SLIT2: variants seen among roughly 807,000 people sequenced by gnomAD.
SLIT2 encodes the protein slit homolog 2 protein.
SLIT2 carries 41 observed loss-of-function variants against 185.7 expected under a neutral mutation model. The observed-to-expected ratio is 0.22, with a 90% CI of 0.17 to 0.29. The LOEUF (loss-of-function observed/expected upper bound fraction) is 0.29, where lower values mean the gene tolerates loss of function less well. Ranked by LOEUF, SLIT2 falls within the 10% of genes least tolerant of loss-of-function variation. The pLI, the probability that SLIT2 is intolerant of heterozygous loss-of-function variation, is 1.00. For missense variants in SLIT2, 1,571 were observed against 1,909.0 expected (o/e 0.82, Z 3.30); for synonymous variants, 693 against 680.2 (o/e 1.02, Z -0.29).
chr4:20,555,181 A>G (rs1220109409), intron 26 of SLIT2, among the ~76,000 whole-genome samples: 1 of 152,130 alleles, frequency 6.6e-6, no homozygotes, highest in Non-Finnish European at 1.5e-5. Context: ...TTTATGTGCA[A>G]AACTCAATCC....
At chr4:20,341,517 T>C (rs537916846) in intron 4 of SLIT2, among the ~76,000 whole-genome samples, 1 of 152,358 alleles carries the variant, frequency 6.6e-6, no homozygotes, top group East Asian at 1.9e-4. Context: ...CATTCCTTAT[T>C]TCCACACGAA....
chr4:20,503,598 C>G (rs964994417), intron 9 of SLIT2, among the ~76,000 whole-genome samples: 5 of 152,092 alleles, frequency 3.3e-5, no homozygotes, highest in African/African-American at 1.2e-4. Context: ...TTGGTTGCAT[C>G]TATTGAGTGT....
At chr4:20,604,682 T>G (rs967119751) in intron 33 of SLIT2, among the ~76,000 whole-genome samples, 7 of 151,452 alleles carry the variant, frequency 4.6e-5, no homozygotes, top group African/African-American at 1.7e-4. Context: ...GGCTTCCCAT[T>G]CCTTTTGACT....
chr4:20,472,326 CTA>C (rs1270887173), intron 5 of SLIT2, among the ~76,000 whole-genome samples: 1 of 43,310 alleles, frequency 2.3e-5, no homozygotes, highest in Non-Finnish European at 4.1e-5. Context: ...ATATATATAT[CTA>C]TATATAGATC....
intron 4 of SLIT2, among the ~76,000 whole-genome samples, chr4:20,465,746 A>G (rs1469098850): frequency 6.6e-6 from 1 of 152,186 alleles, no homozygotes; most frequent in African/African-American, 2.4e-5. Flanking sequence ...TTTTTTCTAC[A>G]AACCACCTAA....
At chr4:20,366,159 C>T (rs1038809305) in intron 4 of SLIT2, among the ~76,000 whole-genome samples, 1 of 152,110 alleles carries the variant, frequency 6.6e-6, no homozygotes, top group African/African-American at 2.4e-5. Context: ...CTCCCTCCCT[C>T]TCTTATTGCT....
intron 7 of SLIT2, among the ~76,000 whole-genome samples, chr4:20,487,192 A>G (rs1352708549): frequency 2.0e-5 from 3 of 152,126 alleles, no homozygotes; most frequent in African/African-American, 7.2e-5. Context: ...CCAACTCTGT[A>G]CATAATAACA....
At chr4:20,541,169 T>C (rs1197385970) in intron 19 of SLIT2, among the ~76,000 whole-genome samples, 2 of 152,216 alleles carry the variant, frequency 1.3e-5, no homozygotes, top group Admixed American at 1.3e-4. Context: ...ATCCACTGTA[T>C]AAACCCCAAA....
At chr4:20,508,934 C>G (rs1273893448) in intron 9 of SLIT2, among the ~76,000 whole-genome samples, 1 of 151,914 alleles carries the variant, frequency 6.6e-6, no homozygotes, top group Non-Finnish European at 1.5e-5. Flanking sequence ...GCTTTGAAAT[C>G]AGAAAAGACC....
At chr4:20,410,000 T>C (rs1051971655) in intron 4 of SLIT2, among the ~76,000 whole-genome samples, 1 of 152,166 alleles carries the variant, frequency 6.6e-6, no homozygotes, top group South Asian at 2.1e-4. Flanking sequence ...GCAAAAGATT[T>C]CTCCCATTGA....
chr4:20,461,605 A>G (rs1227657164), intron 4 of SLIT2, among the ~76,000 whole-genome samples: 1 of 152,182 alleles, frequency 6.6e-6, no homozygotes, highest in Non-Finnish European at 1.5e-5. Flanking sequence ...ATGAGATGGT[A>G]GGTGCGATCA....
At chr4:20,317,140 T>C (rs1005232407) in intron 4 of SLIT2, among the ~76,000 whole-genome samples, 3 of 151,992 alleles carry the variant, frequency 2.0e-5, no homozygotes, top group Non-Finnish European at 4.4e-5. Flanking sequence ...ATGACATACA[T>C]AGGAGAGTAA....
At chr4:20,471,068 A>C (rs1387545278) in intron 5 of SLIT2, among the ~76,000 whole-genome samples, 1 of 152,202 alleles carries the variant, frequency 6.6e-6, no homozygotes, top group East Asian at 1.9e-4. Flanking sequence ...TATTCCCACT[A>C]TTCTCATTGC....
chr4:20,307,417 C>T (rs2109124245), intron 4 of SLIT2, among the ~76,000 whole-genome samples: 1 of 151,696 alleles, frequency 6.6e-6, no homozygotes, highest in East Asian at 2.0e-4. Context: ...AGCACACCAC[C>T]ACACTCGGAT....
rs1301288636 is a variant in SLIT2 at position 20,548,407 on chromosome 4, GA to G, written c.2346-79del. On this transcript the variant is annotated intron_variant, in intron 22 of 36. Coordinates refer to ENST00000504154, the MANE Select transcript of SLIT2 (RefSeq NM_004787.4). ...GCTAACAATACTGCTATGACTATAA[GA>G]AGACCCTTCTCCTTCTAAGAATCAC... is the stretch of plus-strand genomic sequence containing the variant. The G allele has an allele frequency of 4.5e-5, 33 of 741,156 alleles. No homozygotes were observed. The Admixed American group carries it at 6.6e-4, about 15-fold the overall frequency. 45.9% of individuals were successfully genotyped at this position (741,156 alleles called of 1,614,324 possible). A position where few individuals can be genotyped will look rare whatever the true frequency, so the allele number is the denominator to read the frequency against.
At chr4:20,297,961 G>T (rs934051259) in intron 4 of SLIT2, among the ~76,000 whole-genome samples, 67 of 152,060 alleles carry the variant, frequency 4.4e-4, no homozygotes, top group Non-Finnish European at 8.8e-5. Context: ...CAGTTCCCAG[G>T]CCAGTGCACA....
At chr4:20,359,079 A>G (rs761981385) in intron 4 of SLIT2, among the ~76,000 whole-genome samples, 10 of 152,176 alleles carry the variant, frequency 6.6e-5, no homozygotes, top group Non-Finnish European at 1.5e-4. Flanking sequence ...AAGTTAAAAT[A>G]GGTTCTCTGC....
intron 34 of SLIT2, among the ~76,000 whole-genome samples, chr4:20,613,619 C>T (rs1729413606): frequency 6.6e-6 from 1 of 152,098 alleles, no homozygotes; most frequent in African/African-American, 2.4e-5. Flanking sequence ...CATGAGTTTA[C>T]CCGGTTTGTT....
At chr4:20,476,128 A>C (rs934819028) in intron 5 of SLIT2, among the ~76,000 whole-genome samples, 54 of 152,134 alleles carry the variant, frequency 3.5e-4, no homozygotes, top group Non-Finnish European at 7.4e-5. Flanking sequence ...TATATGGATC[A>C]ATTTTTATTC....
Sources: gnomAD v4.1 joint callset for allele counts (sites outside exome capture counted in the v4.1 genomes callset) on GRCh38, gnomAD v4.1.1 for gene constraint, MANE v1.5 for transcripts, NCBI Gene and HGNC (gene_info 2026-07-23, HGNC 2026-07-21) for gene names.